The following ARHGEF38 variants were observed in gnomAD, a reference collection of about 807,000 sequenced individuals.
ARHGEF38 encodes Rho guanine nucleotide exchange factor 38, also known as Rho guanine nucleotide exchange factor (GEF) 38.
ARHGEF38 carries 79 observed loss-of-function variants against 79.9 expected under a neutral mutation model. The ratio of observed to expected loss-of-function variants is 0.99; its 90% CI spans 0.82 to 1.19. The LOEUF (loss-of-function observed/expected upper bound fraction) is 1.19. ARHGEF38 is among the 50% of genes most tolerant of loss of function. ARHGEF38 has a pLI of 0.00. For synonymous variants in ARHGEF38, 366 were observed against 328.3 expected, an observed-to-expected ratio of 1.11 and a Z score of -1.24; for missense variants, 962 against 907.2, an observed-to-expected ratio of 1.06 and a Z score of -0.78.
Position 105,552,934 on chromosome 4 carries a change from AG to A in ARHGEF38, c.171del (p.Thr58ProfsTer11). 1 of 1,611,940 alleles carries A rather than the reference AG, an allele frequency of 6.2e-7. No homozygotes were observed. The highest frequency in any genetic ancestry group is 2.2e-5 in the East Asian group (1 of 44,854). On this transcript the variant is annotated frameshift_variant, in exon 1 of 14. Transcript: ENST00000420470. LOFTEE classifies it high-confidence loss of function. ...CACCTTGAGGAGGAGCCAATCTGAC[AG>A]GACCGAATACAACCAGAAATTACAA... Reference protein sequence around the residue: ...SGTLRRSQSDRTEYNQKLQEK... With the variant: ...SGTLRRSQSDXTEYNQKLQEK...
chr4:105,630,222 C>T (rs974731037), intron 3 of ARHGEF38, among the ~76,000 whole-genome samples: 1 of 151,268 alleles, frequency 6.6e-6, no homozygotes, highest in African/African-American at 2.4e-5. Flanking sequence ...GACTCAAATC[C>T]GTGCACACCA....
chr4:105,638,971 G>A (rs571538893), intron 5 of ARHGEF38, among the ~76,000 whole-genome samples: 20 of 151,884 alleles, frequency 1.3e-4, no homozygotes, highest in Admixed American at 2.6e-4. Context: ...CTAGATCAAA[G>A]GGCTTTTGAT....
chr4:105,607,854 T>C (rs1194058121), intron 2 of ARHGEF38, among the ~76,000 whole-genome samples: 1 of 152,102 alleles, frequency 6.6e-6, no homozygotes, highest in Non-Finnish European at 1.5e-5. Flanking sequence ...TAACAAGACT[T>C]TGCCACCAGG....
chr4:105,557,445 C>T (rs17035774), intron 1 of ARHGEF38, among the ~76,000 whole-genome samples: 3,715 of 152,008 alleles, frequency 0.024, 155 homozygotes, highest in African/African-American at 0.085. Context: ...TATAGGTTTC[C>T]TCTCAGTATG....
chr4:105,638,638 C>A (rs1057196529), intron 5 of ARHGEF38, among the ~76,000 whole-genome samples: 9 of 152,128 alleles, frequency 5.9e-5, no homozygotes, highest in Non-Finnish European at 4.4e-5. Flanking sequence ...TGTAGCATTG[C>A]AGTGAGTCCC....
At chr4:105,643,056 A>G (rs546489494) in intron 5 of ARHGEF38, among the ~76,000 whole-genome samples, 33 of 151,986 alleles carry the variant, frequency 2.2e-4, no homozygotes, top group Non-Finnish European at 4.3e-4. Context: ...ACAATATATA[A>G]GAAAATGTCC....
intron 1 of ARHGEF38, among the ~76,000 whole-genome samples, chr4:105,574,728 T>A (rs79215036): frequency 0.034 from 5,241 of 152,152 alleles, 314 homozygotes; most frequent in African/African-American, 0.12. Flanking sequence ...ATTAAAAAAA[T>A]TTTTTATTTC....
At chr4:105,601,367 C>A (rs1423076322) in intron 2 of ARHGEF38, among the ~76,000 whole-genome samples, 1 of 152,152 alleles carries the variant, frequency 6.6e-6, no homozygotes, top group African/African-American at 2.4e-5. Context: ...TCCTTCACCA[C>A]CTCAATCTAT....
intron 3 of ARHGEF38, among the ~76,000 whole-genome samples, chr4:105,619,643 T>G (rs1728659531): frequency 6.6e-6 from 1 of 152,094 alleles, no homozygotes; most frequent in Non-Finnish European, 1.5e-5. Context: ...AAGTGGAGAT[T>G]GGGTGCAAAA....
At chr4:105,656,933 T>C (rs894949842) in intron 9 of ARHGEF38, among the ~76,000 whole-genome samples, 8 of 152,112 alleles carry the variant, frequency 5.3e-5, no homozygotes, top group African/African-American at 1.7e-4. Flanking sequence ...GGCTTACATC[T>C]GAGCTAATAT....
chr4:105,583,770 C>CCTTA (rs1397720099), intron 1 of ARHGEF38, among the ~76,000 whole-genome samples: 21 of 152,014 alleles, frequency 1.4e-4, no homozygotes, highest in Non-Finnish European at 2.9e-4. Flanking sequence ...CATAGTAAGC[C>CCTTA]CTTACTATTT....
At chr4:105,618,960 T>A (rs1284020321) in intron 3 of ARHGEF38, among the ~76,000 whole-genome samples, 1 of 152,196 alleles carries the variant, frequency 6.6e-6, no homozygotes, top group Non-Finnish European at 1.5e-5. Context: ...GCACTATTTT[T>A]TCAACTTTTC....
chr4:105,554,725 G>T (rs1378541221), intron 1 of ARHGEF38, among the ~76,000 whole-genome samples: 1 of 145,254 alleles, frequency 6.9e-6, no homozygotes, highest in Non-Finnish European at 1.5e-5. Context: ...TTGCCACATA[G>T]TGTTGTTGGG....
At chr4:105,617,524 T>C (rs1249584345) in intron 3 of ARHGEF38, among the ~76,000 whole-genome samples, 1 of 152,222 alleles carries the variant, frequency 6.6e-6, no homozygotes, top group East Asian at 1.9e-4. Context: ...CTGCTGGTCA[T>C]TAATCAGTCT....
At chr4:105,631,392 C>T in intron 4 of ARHGEF38, 3 of 997,226 alleles carry the variant, frequency 3.0e-6, no homozygotes, top group Non-Finnish European at 3.6e-6. Context: ...TAACACGTGG[C>T]CCCATGACCA....
At chr4:105,658,320 G>T (rs1269389451) in intron 9 of ARHGEF38, among the ~76,000 whole-genome samples, 2 of 152,034 alleles carry the variant, frequency 1.3e-5, no homozygotes, top group Admixed American at 6.6e-5. Flanking sequence ...GAGGTGGGAG[G>T]ATGGCTTGAG....
rs180960208 is a variant in ARHGEF38 at position 105,630,419 on chromosome 4, T to C, written c.509-479T>C. Among the ~76,000 whole-genome samples, 565 of 152,176 alleles carry C rather than the reference T, an allele frequency of 3.7e-3. 4 individuals carry two copies. The highest frequency in any genetic ancestry group is 0.013 in the African/African-American group (526 of 41,494). ...GCCTGACACCAAGCTGATTTTTGTA[T>C]TTTTAGTAGAGACGGGGTTTCACCA... On this transcript the variant is annotated intron_variant, in intron 3 of 13. Transcript: ENST00000420470.
chr4:105,665,145 A>C (rs1361815528), intron 10 of ARHGEF38, among the ~76,000 whole-genome samples: 2 of 151,826 alleles, frequency 1.3e-5, no homozygotes, highest in African/African-American at 4.8e-5. Flanking sequence ...TTACAGGCAC[A>C]CACCACCTCA....
intron 4 of ARHGEF38, among the ~76,000 whole-genome samples, chr4:105,636,018 C>A (rs991719581): frequency 6.6e-6 from 1 of 152,014 alleles, no homozygotes; most frequent in Non-Finnish European, 1.5e-5. Flanking sequence ...TTACAAAATG[C>A]AGCTTAGGCA....
Sources: gnomAD v4.1 joint callset for allele counts (sites outside exome capture counted in the v4.1 genomes callset) on GRCh38, gnomAD v4.1.1 for gene constraint, MANE v1.5 for transcripts, NCBI Gene and HGNC (gene_info 2026-07-23, HGNC 2026-07-21) for gene names.